The following PAK1 variants were observed in gnomAD, a reference collection of about 807,000 sequenced individuals.
The protein encoded by PAK1 is serine/threonine-protein kinase PAK 1.
Under a neutral mutation model 67.4 loss-of-function variants are expected in PAK1, and 29 were observed. The observed-to-expected ratio is 0.43, with a 90% confidence interval of 0.32 to 0.59. The LOEUF is 0.59. PAK1 is among the 20% of genes least tolerant of loss of function. The pLI is 0.07. For synonymous variants in PAK1, 223 were observed against 237.4 expected (o/e 0.94, Z 0.56); for missense variants, 337 against 670.7 (o/e 0.50, Z 5.50).
the PAK1 span, among the ~76,000 whole-genome samples, chr11:77,523,834 T>C: frequency 1.3e-5 from 2 of 152,214 alleles, no homozygotes; most frequent in Non-Finnish European, 2.9e-5. Flanking sequence ...AGTGTTAAAT[T>C]TTTCAATCTG....
chr11:77,383,087 T>C (rs1398040739), intron 2 of PAK1, among the ~76,000 whole-genome samples: 2 of 152,190 alleles, frequency 1.3e-5, no homozygotes, highest in Non-Finnish European at 2.9e-5. Context: ...TAAGTTGACT[T>C]GTCCTGATTC....
chr11:77,353,307 C>G, intron 8 of PAK1: 1 of 440,766 alleles, frequency 2.3e-6, no homozygotes, highest in Non-Finnish European at 4.0e-6. Context: ...CTCTCACTGT[C>G]ACTGCAGGGG....
At chr11:77,405,402 G>GA (rs1292941009) in intron 1 of PAK1, among the ~76,000 whole-genome samples, 1 of 152,162 alleles carries the variant, frequency 6.6e-6, no homozygotes, top group Non-Finnish European at 1.5e-5. Flanking sequence ...GAACAATGCA[G>GA]AAGTGGAGAG....
chr11:77,422,313 A>T (rs1346855661), intron 1 of PAK1, among the ~76,000 whole-genome samples: 1 of 152,142 alleles, frequency 6.6e-6, no homozygotes, highest in East Asian at 1.9e-4. Context: ...TAATCCCAGC[A>T]CTCTGGGGAG....
intron 1 of PAK1, among the ~76,000 whole-genome samples, chr11:77,435,059 C>G (rs1477314703): frequency 6.7e-6 from 1 of 148,424 alleles, no homozygotes; most frequent in Non-Finnish European, 1.5e-5. Flanking sequence ...CCACTATGCC[C>G]AGCCAAGACA....
chr11:77,480,293 T>A, the PAK1 span, among the ~76,000 whole-genome samples: 31,633 of 151,176 alleles, frequency 0.21, 7,587 homozygotes, highest in African/African-American at 0.58. Flanking sequence ...TCTTTTTTTT[T>A]TAAAAAAAGT....
At chr11:77,428,970 A>G (rs1191821324) in intron 1 of PAK1, among the ~76,000 whole-genome samples, 1 of 147,618 alleles carries the variant, frequency 6.8e-6, no homozygotes, top group Non-Finnish European at 1.5e-5. Context: ...CATTATGTCT[A>G]TGAGAAGGCC....
At chr11:77,500,781 C>T in the PAK1 span, among the ~76,000 whole-genome samples, 1 of 151,970 alleles carries the variant, frequency 6.6e-6, no homozygotes, top group African/African-American at 2.4e-5. Flanking sequence ...GAGGTTGAGG[C>T]AGCAATGTGC....
chr11:77,393,982 GACA>G (rs1951502807), intron 1 of PAK1, among the ~76,000 whole-genome samples: 1 of 152,156 alleles, frequency 6.6e-6, no homozygotes, highest in African/African-American at 2.4e-5. Context: ...CAGCCTGGGT[GACA>G]GAGGGAGACT....
At chr11:77,360,039 C>A (rs1332789905) in intron 5 of PAK1, among the ~76,000 whole-genome samples, 2 of 152,078 alleles carry the variant, frequency 1.3e-5, no homozygotes, top group Non-Finnish European at 2.9e-5. Flanking sequence ...AAAGTAGTGA[C>A]CATCTGGTAT....
At chr11:77,426,078 CTTTTTTTTT>C (rs35602138) in intron 1 of PAK1, among the ~76,000 whole-genome samples, 2 of 117,240 alleles carry the variant, frequency 1.7e-5, no homozygotes, top group Non-Finnish European at 3.4e-5. Context: ...TTGAAGGCCT[CTTTTTTTTT>C]TTTTTTTTTT....
the PAK1 span, among the ~76,000 whole-genome samples, chr11:77,529,725 T>G: frequency 6.6e-6 from 1 of 152,018 alleles, no homozygotes; most frequent in Non-Finnish European, 1.5e-5. Flanking sequence ...TTAGCAGAGT[T>G]TTGAAGGATG....
In PAK1 at chr11:77,322,585, A is replaced by T. The variant is rs776694537; in HGVS notation, c.*689T>A. On this transcript the variant is annotated 3_prime_UTR_variant, in exon 15 of 15. Coordinates refer to ENST00000356341, the MANE Select transcript of PAK1 (RefSeq NM_002576.5). ...AGGGACAGGATAGGGGCAGCAGCCT[A>T]GGGTATGCAGGGAATCAAAAGCTGC... The T allele has an allele frequency of 2.0e-5, 4 of 205,060 alleles. No individual in the cohort carries two copies. Among genetic ancestry groups the T allele is most frequent in the Non-Finnish European group, 3.0e-5 (3 of 98,656 alleles). 12.7% of individuals were successfully genotyped at this position (205,060 alleles called of 1,614,324 possible). A position where few individuals can be genotyped will look rare whatever the true frequency, so the allele number is the denominator to read the frequency against.
Position 77,408,614 on chromosome 11 carries a change from G to A in PAK1, c.-21-16073C>T, listed in dbSNP as rs115615557. Among the ~76,000 whole-genome samples, 477 of 150,348 alleles carry A rather than the reference G, an allele frequency of 3.2e-3. 4 individuals are homozygous for A. Among genetic ancestry groups the A allele is most frequent in the African/African-American group, 0.011 (440 of 40,830 alleles). On this transcript the variant is annotated intron_variant, in intron 1 of 14. Coordinates refer to ENST00000356341, the MANE Select transcript of PAK1 (RefSeq NM_002576.5). ...GTGCCAATAAAACAGTAATCTTGTC[G>A]TTCTCATCTCTGCTTTCCCTCTAAC...
chr11:77,501,137 C>A, the PAK1 span, among the ~76,000 whole-genome samples: 1 of 149,406 alleles, frequency 6.7e-6, no homozygotes, highest in Admixed American at 6.7e-5. Flanking sequence ...GGTGACAGAG[C>A]GAGACTCCGT....
At chr11:77,409,310 G>T (rs1221909280) in intron 1 of PAK1, among the ~76,000 whole-genome samples, 1 of 152,024 alleles carries the variant, frequency 6.6e-6, no homozygotes, top group Non-Finnish European at 1.5e-5. Context: ...AACAGATGCT[G>T]GCAAGGATGG....
chr11:77,403,989 C>A (rs961700556), intron 1 of PAK1, among the ~76,000 whole-genome samples: 1 of 152,124 alleles, frequency 6.6e-6, no homozygotes, highest in Non-Finnish European at 1.5e-5. Context: ...AGTTCACCCC[C>A]ACTTCCCTTG....
chr11:77,459,495 G>C (rs1957223297), intron 1 of PAK1, among the ~76,000 whole-genome samples: 1 of 152,176 alleles, frequency 6.6e-6, no homozygotes, highest in Admixed American at 6.5e-5. Flanking sequence ...ATATTTACAA[G>C]CCTCACTGTG....
Position 77,394,303 on chromosome 11 carries a change from A to G in PAK1, c.-21-1762T>C, listed in dbSNP as rs114583622. ...TAGATATCCTGGCTTGGCCTCCATA[A>G]ATTTTGATTTAGAACGGCTGAGTTA... On this transcript the variant is annotated intron_variant, in intron 1 of 14. Coordinates refer to ENST00000356341, the MANE Select transcript of PAK1 (RefSeq NM_002576.5). Among the ~76,000 whole-genome samples, 572 of 152,276 alleles carry G rather than the reference A, an allele frequency of 3.8e-3. 6 individuals are homozygous for G. The highest frequency in any genetic ancestry group is 0.013 in the African/African-American group (533 of 41,560).
Sources: allele counts gnomAD v4.1 joint callset (sites outside exome capture counted in the v4.1 genomes callset), GRCh38; gene constraint gnomAD v4.1.1; transcripts MANE v1.5; gene names NCBI Gene and HGNC (gene_info 2026-07-23, HGNC 2026-07-21).